The following UGT2B4 variants were observed in gnomAD, a reference collection of about 807,000 sequenced individuals.
UGT2B4 encodes UDP glucuronosyltransferase family 2 member B4, also known as UDP-glucuronosyltransferase 2B4.
UGT2B4 carries 49 observed loss-of-function variants against 49.8 expected under a neutral mutation model. That is an observed-to-expected ratio of 0.98 (90% CI 0.78 to 1.25). The LOEUF (loss-of-function observed/expected upper bound fraction) is 1.25, where lower values mean the gene tolerates loss of function less well. UGT2B4 is among the 50% of genes most tolerant of loss of function. The pLI is 0.00. For missense variants in UGT2B4, 729 were observed against 627.7 expected, an observed-to-expected ratio of 1.16 and a Z score of -1.73; for synonymous variants, 246 against 217.7, an observed-to-expected ratio of 1.13 and a Z score of -1.14.
intron 1 of UGT2B4, among the ~76,000 whole-genome samples, chr4:69,522,905 A>G (rs12647404): frequency 0.35 from 53,406 of 151,998 alleles, 9,464 homozygotes; most frequent in Non-Finnish European, 0.37. Context: ...TCATCTCAAC[A>G]ATGTTCAGAC....
intron 1 of UGT2B4, among the ~76,000 whole-genome samples, chr4:69,517,238 C>T (rs116063577): frequency 6.6e-6 from 1 of 152,016 alleles, no homozygotes; most frequent in Admixed American, 6.6e-5. Context: ...AGCCCTCCCC[C>T]CCAAGAAATA....
chr4:69,502,160 T>C (rs892257066), intron 1 of UGT2B4, among the ~76,000 whole-genome samples: 1 of 139,296 alleles, frequency 7.2e-6, no homozygotes, highest in Admixed American at 7.8e-5. Context: ...TCTTTCTTTC[T>C]TTCTTCTTTC....
intron 1 of UGT2B4, among the ~76,000 whole-genome samples, chr4:69,517,174 C>A: frequency 6.6e-6 from 1 of 151,926 alleles, no homozygotes; most frequent in East Asian, 1.9e-4. Flanking sequence ...GTATTTTGCT[C>A]CTCTAGAACC....
rs191717922 is a variant in UGT2B4, at chr4:69,488,824, C to T, written c.1002+615G>A. Among the ~76,000 whole-genome samples the T allele has an allele frequency of 4.6e-5, 7 of 152,158 alleles. 1 individual carries two copies. The highest frequency in any genetic ancestry group is 1.7e-4 in the African/African-American group (7 of 41,534). ...GGGTCCAGTCCAGCAAAGCAGGCTG[C>T]TTTTTCTCTTTCTCCAAATCTGCCT... On this transcript the variant is annotated intron_variant, in intron 3 of 5. Coordinates refer to ENST00000305107, the MANE Select transcript of UGT2B4 (RefSeq NM_021139.3).
chr4:69,521,341 C>T (rs77633703), intron 1 of UGT2B4, among the ~76,000 whole-genome samples: 6,446 of 152,236 alleles, frequency 0.042, 205 homozygotes, highest in Middle Eastern at 0.13. Flanking sequence ...GTCTCCCCAG[C>T]CAGGGACGTG....
chr4:69,486,601 A>C lies in UGT2B4; in HGVS notation c.1090+8T>G. Reference sequence around the variant, plus strand: ...AATATATTCAGTATTTGTTCTTCAGAGACTTACCAAGAAGATCATTCTGGG... The same window carrying C: ...AATATATTCAGTATTTGTTCTTCAGCGACTTACCAAGAAGATCATTCTGGG... On this transcript the variant is annotated splice_region_variant and intron_variant, in intron 4 of 5. Coordinates refer to ENST00000305107, the MANE Select transcript of UGT2B4 (RefSeq NM_021139.3). 6.3e-7 allele frequency: 1 copy of C among 1,576,728 alleles called. No homozygotes were observed. Among genetic ancestry groups the C allele is most frequent in the Non-Finnish European group, 8.6e-7 (1 of 1,159,572 alleles).
intron 1 of UGT2B4, among the ~76,000 whole-genome samples, chr4:69,509,158 T>C (rs1006539569): frequency 2.8e-5 from 4 of 140,770 alleles, no homozygotes; most frequent in South Asian, 4.5e-4. Context: ...TGTTAGATCA[T>C]ATGGAATTTC....
At chr4:69,514,053 T>A (rs1232043410) in intron 1 of UGT2B4, among the ~76,000 whole-genome samples, 2 of 152,044 alleles carry the variant, frequency 1.3e-5, no homozygotes, top group African/African-American at 4.8e-5. Flanking sequence ...GAAATCTGAA[T>A]AAATGAATAA....
At chr4:69,488,749 G>A (rs998879812) in intron 3 of UGT2B4, among the ~76,000 whole-genome samples, 20 of 152,020 alleles carry the variant, frequency 1.3e-4, no homozygotes, top group African/African-American at 4.3e-4. Context: ...CCTCAGAGCA[G>A]GATCCATCTC....
In UGT2B4 at chr4:69,486,623, T is replaced by C. The variant is rs914056581; in HGVS notation, c.1076A>G (p.Gln359Arg). 3.7e-6 allele frequency: 6 copies of C among 1,603,174 alleles called. No homozygotes were observed. Among genetic ancestry groups the C allele is most frequent in the Non-Finnish European group, 5.1e-6 (6 of 1,176,116 alleles). ...LNTRLYKWIPQNDLLGHPKTR... is the reference protein window; with the variant it reads ...LNTRLYKWIPRNDLLGHPKTR... ...CAGAGACTTACCAAGAAGATCATTCTGGGGTATCCACTTGTACAGCCGAGT... is the reference window on the plus strand; with the variant it reads ...CAGAGACTTACCAAGAAGATCATTCCGGGGTATCCACTTGTACAGCCGAGT... The change falls in exon 4 of 6, where the codon CAG becomes CGG. Residue 359 changes from glutamine (Q) to arginine (R), a missense_variant. Coordinates refer to ENST00000305107, the MANE Select transcript of UGT2B4 (RefSeq NM_021139.3).
intron 1 of UGT2B4, among the ~76,000 whole-genome samples, chr4:69,522,563 T>C (rs1028219888): frequency 4.6e-5 from 7 of 152,206 alleles, no homozygotes; most frequent in African/African-American, 1.7e-4. Context: ...TGAAAACATT[T>C]ATTGTAAAAA....
At chr4:69,500,841 C>G (rs147796277), upstream of UGT2B4, among the ~76,000 whole-genome samples, 1,178 of 152,204 alleles carry the variant, frequency 7.7e-3, 10 homozygotes, top group Middle Eastern at 0.034. Flanking sequence ...TGAACCCACT[C>G]CACCAGGGCC....
At chr4:69,484,646 T>C (rs1312830845) in intron 5 of UGT2B4, among the ~76,000 whole-genome samples, 1 of 152,148 alleles carries the variant, frequency 6.6e-6, no homozygotes, top group Non-Finnish European at 1.5e-5. Context: ...GCAGAGTGAC[T>C]TCTATACCAT....
intron 1 of UGT2B4, among the ~76,000 whole-genome samples, chr4:69,515,794 TA>T (rs889207459): frequency 5.3e-5 from 8 of 151,496 alleles, no homozygotes; most frequent in East Asian, 1.9e-4. Context: ...AGAAAAGAAT[TA>T]AAAAAAATTA....
At chr4:69,524,471 G>T (rs1008573952) in intron 1 of UGT2B4, among the ~76,000 whole-genome samples, 3 of 151,716 alleles carry the variant, frequency 2.0e-5, no homozygotes, top group Admixed American at 1.3e-4. Flanking sequence ...TAATAAGTTT[G>T]ATATCTTATA....
intron 4 of UGT2B4, among the ~76,000 whole-genome samples, chr4:69,485,868 TCTC>T (rs1000463035): frequency 4.6e-5 from 7 of 152,102 alleles, no homozygotes; most frequent in African/African-American, 1.4e-4. Flanking sequence ...TTCAGGCAGT[TCTC>T]CTACTCAGCC....
At chr4:69,511,445 T>C (rs1330580749) in intron 1 of UGT2B4, among the ~76,000 whole-genome samples, 3 of 152,224 alleles carry the variant, frequency 2.0e-5, no homozygotes, top group African/African-American at 7.2e-5. Context: ...TGTTAATGTG[T>C]ATCACATTTG....
intron 1 of UGT2B4, among the ~76,000 whole-genome samples, chr4:69,511,341 CT>C (rs1728598338): frequency 6.6e-6 from 1 of 151,922 alleles, no homozygotes; most frequent in Admixed American, 6.6e-5. Flanking sequence ...TGTTGAGAGA[CT>C]TTTTTCTTTT....
chr4:69,525,441 T>C (rs1728958021), intron 1 of UGT2B4, among the ~76,000 whole-genome samples: 1 of 152,170 alleles, frequency 6.6e-6, no homozygotes, highest in African/African-American at 2.4e-5. Context: ...AGGTAAAGTA[T>C]GATACCAAAC....
Sources: allele counts gnomAD v4.1 joint callset (sites outside exome capture counted in the v4.1 genomes callset), GRCh38; gene constraint gnomAD v4.1.1; transcripts MANE v1.5; gene names NCBI Gene and HGNC (gene_info 2026-07-23, HGNC 2026-07-21).